STXBP5L: variants seen among roughly 807,000 people sequenced by gnomAD.
STXBP5L encodes syntaxin-binding protein 5-like.
Under a neutral mutation model 144.5 loss-of-function variants are expected in STXBP5L, and 65 were observed. The ratio of observed to expected loss-of-function variants is 0.45; its 90% CI spans 0.37 to 0.55. The LOEUF (loss-of-function observed/expected upper bound fraction) is 0.55. STXBP5L is among the 20% of genes least tolerant of loss of function. The pLI, the probability that STXBP5L is intolerant of heterozygous loss-of-function variation, is 0.00. For synonymous variants in STXBP5L, 505 were observed against 469.6 expected (o/e 1.08, Z -0.97); for missense variants, 1,298 against 1,405.5 (o/e 0.92, Z 1.22).
rs547577278 is a variant in STXBP5L, at chr3:121,004,675, T to C, written c.288-37025T>C. Among the ~76,000 whole-genome samples, 415 of 152,296 alleles carry C rather than the reference T, an allele frequency of 2.7e-3. 2 individuals are homozygous for C. Among genetic ancestry groups the C allele is most frequent in the Non-Finnish European group, 4.9e-3 (330 of 68,030 alleles). On this transcript the variant is annotated intron_variant, in intron 3 of 26. Coordinates refer to ENST00000471454, the MANE Select transcript of STXBP5L (RefSeq NM_001308330.2). ...CAGTTTTTGCCCATTTGGTATGATA[T>C]TGGCTGTGGGTTTGTCATAGATAGC...
chr3:121,187,311 A>G (rs536300395), intron 9 of STXBP5L, among the ~76,000 whole-genome samples: 3 of 151,778 alleles, frequency 2.0e-5, no homozygotes, highest in African/African-American at 7.3e-5. Flanking sequence ...ACAAAAAAAC[A>G]AACACTGCAT....
chr3:121,326,554 T>C (rs1180275389), intron 20 of STXBP5L, among the ~76,000 whole-genome samples: 1 of 152,098 alleles, frequency 6.6e-6, no homozygotes, highest in East Asian at 1.9e-4. Flanking sequence ...TAATGTTGTA[T>C]TTATTTATTT....
chr3:120,984,478 A>G (rs1436075007), intron 3 of STXBP5L, among the ~76,000 whole-genome samples: 1 of 151,502 alleles, frequency 6.6e-6, no homozygotes, highest in Non-Finnish European at 1.5e-5. Context: ...TTTGTGTCCT[A>G]CTATTTTGCT....
intron 23 of STXBP5L, among the ~76,000 whole-genome samples, chr3:121,408,566 T>C (rs2047047082): frequency 6.6e-6 from 1 of 151,978 alleles, no homozygotes; most frequent in African/African-American, 2.4e-5. Flanking sequence ...ACAGCATAGT[T>C]GAACATGTAT....
At chr3:121,033,924 T>A (rs1054903346) in intron 3 of STXBP5L, among the ~76,000 whole-genome samples, 2 of 152,136 alleles carry the variant, frequency 1.3e-5, no homozygotes. Flanking sequence ...TGAAATATTT[T>A]AACTCTTATT....
chr3:121,214,237 T>A (rs1269977417), intron 10 of STXBP5L, among the ~76,000 whole-genome samples: 1 of 152,234 alleles, frequency 6.6e-6, no homozygotes, highest in African/African-American at 2.4e-5. Flanking sequence ...AGTTATTTCT[T>A]GTCTTCTGCT....
chr3:121,181,001 G>A (rs1020777693), intron 9 of STXBP5L, among the ~76,000 whole-genome samples: 1 of 150,654 alleles, frequency 6.6e-6, no homozygotes, highest in Admixed American at 6.6e-5. Context: ...AAGGAAGAAA[G>A]GAAACAGTAC....
At chr3:121,254,497 A>C (rs1237331355) in intron 15 of STXBP5L, among the ~76,000 whole-genome samples, 2 of 152,156 alleles carry the variant, frequency 1.3e-5, no homozygotes, top group Non-Finnish European at 2.9e-5. Context: ...TAACAATCAA[A>C]GGGGAAAACT....
chr3:121,397,892 C>T lies in STXBP5L; in HGVS notation c.2588-9351C>T, dbSNP rs964256584. ...TGTTAAATTGAGCAGGTTGAATTGG[C>T]CACGCAGACAGCCAGTGCTGTAGAG... On this transcript the variant is annotated intron_variant, in intron 22 of 26. Transcript: ENST00000471454. Among the ~76,000 whole-genome samples the T allele has an allele frequency of 1.2e-3, 188 of 152,300 alleles. 2 individuals are homozygous for T. The highest frequency in any genetic ancestry group is 6.8e-3 in the Middle Eastern group (2 of 294).
chr3:121,052,160 G>A (rs143654950), intron 5 of STXBP5L, among the ~76,000 whole-genome samples: 2,380 of 152,294 alleles, frequency 0.016, 25 homozygotes, highest in Non-Finnish European at 0.025. Context: ...GTACAAGGAG[G>A]AGCTGGTACC....
chr3:121,096,402 C>T (rs375946529), intron 5 of STXBP5L, among the ~76,000 whole-genome samples: 10 of 152,084 alleles, frequency 6.6e-5, no homozygotes, highest in African/African-American at 1.4e-4. Flanking sequence ...CTGTTGCTGG[C>T]GAGACACTGT....
At chr3:121,324,371 G>C in intron 20 of STXBP5L, 1 of 541,970 alleles carries the variant, frequency 1.8e-6, no homozygotes. Context: ...TTTAGATAAG[G>C]ATACAAAATG....
intron 3 of STXBP5L, among the ~76,000 whole-genome samples, chr3:120,993,931 A>G (rs563577986): frequency 2.9e-4 from 44 of 152,204 alleles, no homozygotes; most frequent in Non-Finnish European, 5.4e-4. Context: ...ATTCATGAGC[A>G]TGGGATATGT....
At chr3:121,146,214 A>G (rs921362743) in intron 7 of STXBP5L, among the ~76,000 whole-genome samples, 1 of 152,072 alleles carries the variant, frequency 6.6e-6, no homozygotes, top group African/African-American at 2.4e-5. Flanking sequence ...ATATAGCTAT[A>G]CAGATATATA....
intron 9 of STXBP5L, among the ~76,000 whole-genome samples, chr3:121,164,472 A>G (rs1220829911): frequency 6.6e-6 from 1 of 152,206 alleles, no homozygotes; most frequent in Non-Finnish European, 1.5e-5. Context: ...GAAAACTAAT[A>G]GGGTATGGAG....
At chr3:120,984,054 C>T (rs760152553) in intron 3 of STXBP5L, among the ~76,000 whole-genome samples, 4 of 152,100 alleles carry the variant, frequency 2.6e-5, no homozygotes, top group African/African-American at 9.7e-5. Context: ...GTTCCTAGTT[C>T]ACCCCGGATG....
At chr3:121,322,321 A>C (rs539669818) in intron 20 of STXBP5L, among the ~76,000 whole-genome samples, 2 of 152,298 alleles carry the variant, frequency 1.3e-5, no homozygotes, top group South Asian at 2.1e-4. Context: ...TCTACTAAAA[A>C]TAAAAAATTA....
chr3:121,047,662 TAAC>T (rs777203502), intron 5 of STXBP5L, among the ~76,000 whole-genome samples: 2 of 150,980 alleles, frequency 1.3e-5, no homozygotes, highest in Non-Finnish European at 3.0e-5. Context: ...TTGTCTGAAA[TAAC>T]AACCCCTGCT....
chr3:121,333,360 G>A (rs1201314476), intron 20 of STXBP5L, among the ~76,000 whole-genome samples: 1 of 151,904 alleles, frequency 6.6e-6, no homozygotes, highest in Non-Finnish European at 1.5e-5. Flanking sequence ...AGAATCTCTG[G>A]GACACGGCTA....
Sources: allele counts gnomAD v4.1 joint callset (sites outside exome capture counted in the v4.1 genomes callset), GRCh38; gene constraint gnomAD v4.1.1; transcripts MANE v1.5; gene names NCBI Gene and HGNC (gene_info 2026-07-23, HGNC 2026-07-21).